URB2: variants seen among roughly 807,000 people sequenced by gnomAD.
URB2 encodes the protein unhealthy ribosome biogenesis protein 2 homolog.
In URB2, 86 loss-of-function variants were observed where a neutral mutation model predicts 120.9. The ratio of observed to expected loss-of-function variants is 0.71; its 90% CI spans 0.60 to 0.85. The LOEUF is 0.85. Among genes scored for constraint, URB2 ranks in the 40% least tolerant of loss-of-function variants. The probability of loss-of-function intolerance (pLI) is 0.00; values close to 1 mark genes in which losing one functional copy is unlikely to be tolerated. For synonymous variants in URB2, 755 were observed against 758.4 expected (o/e 1.00, Z 0.07); for missense variants, 1,765 against 1,836.5 (o/e 0.96, Z 0.71).
intron 9 of URB2, among the ~76,000 whole-genome samples, chr1:229,656,374 C>G (rs1666406443): frequency 6.6e-6 from 1 of 152,168 alleles, no homozygotes; most frequent in African/African-American, 2.4e-5. Context: ...GCTTCCTGGC[C>G]TCATTATTCA....
chr1:229,648,556 T>C (rs946514778), intron 7 of URB2, among the ~76,000 whole-genome samples: 1 of 150,648 alleles, frequency 6.6e-6, no homozygotes, highest in Admixed American at 6.7e-5. Context: ...TACAGTTCAG[T>C]TAACATTTAT....
chr1:229,632,784 A>G (rs1301926247), intron 3 of URB2, among the ~76,000 whole-genome samples: 2 of 150,868 alleles, frequency 1.3e-5, no homozygotes, highest in East Asian at 1.9e-4. Context: ...ATCAAAGGCC[A>G]AAATCCGGAC....
In URB2 at chr1:229,637,782, C is replaced by T; in HGVS notation, c.3169C>T (p.Leu1057=). The T allele has an allele frequency of 6.2e-7, 1 of 1,614,042 alleles. No individual in the cohort carries two copies. Among genetic ancestry groups the T allele is most frequent in the Non-Finnish European group, 8.5e-7 (1 of 1,180,024 alleles). ...GAACCCCCAGGGCAGGCAGCTCCTT[C>T]TGGTGTCTTTAACCAGGTTGTGCCA... ...NQNPQGRQLL[L]VSLTRLCHVL... The change falls in exon 4 of 10, where the codon CTG becomes TTG. Residue 1057 remains leucine (L), a synonymous_variant. Transcript: ENST00000258243.
rs771987836 is a variant in URB2 at position 229,638,166 on chromosome 1, T to C, written c.3553T>C (p.Phe1185Leu). The C allele has an allele frequency of 1.2e-6, 2 of 1,614,220 alleles. No homozygotes were observed. The highest frequency in any genetic ancestry group is 2.2e-5 in the South Asian group (2 of 91,088). The change falls in exon 4 of 10, where the codon TTC (phenylalanine) becomes CTC (leucine). Residue 1185 changes from phenylalanine to leucine, a missense_variant. Coordinates refer to ENST00000258243, the MANE Select transcript of URB2 (RefSeq NM_014777.4). ...FQAALQFLTL[F>L]FLAPELHPKK... is the part of the protein sequence containing the mutation. Reference sequence around the variant, plus strand: ...GGCAGCCTTGCAGTTTTTGACTCTGTTCTTTTTGGCCCCAGAACTGCATCC... The same window carrying C: ...GGCAGCCTTGCAGTTTTTGACTCTGCTCTTTTTGGCCCCAGAACTGCATCC...
intron 4 of URB2, among the ~76,000 whole-genome samples, chr1:229,640,415 G>A (rs780562880): frequency 1.3e-5 from 2 of 152,214 alleles, no homozygotes; most frequent in Non-Finnish European, 2.9e-5. Context: ...TTTCAAGATG[G>A]CACACATCAC....
At chr1:229,649,138 T>C (rs1666214661) in intron 7 of URB2, among the ~76,000 whole-genome samples, 1 of 152,246 alleles carries the variant, frequency 6.6e-6, no homozygotes, top group South Asian at 2.1e-4. Context: ...AGTGCATGGC[T>C]GTGTGTCATA....
intron 2 of URB2, among the ~76,000 whole-genome samples, chr1:229,628,147 A>C (rs1013346823): frequency 8.0e-6 from 1 of 124,396 alleles, no homozygotes; most frequent in Non-Finnish European, 1.6e-5. Context: ...TATATATATA[A>C]TATATATAGT....
intron 2 of URB2, among the ~76,000 whole-genome samples, chr1:229,630,962 A>G (rs1665648714): frequency 6.9e-6 from 1 of 144,316 alleles, no homozygotes. Flanking sequence ...AGCCTGGGTG[A>G]CAAGAGCGAA....
intron 1 of URB2, among the ~76,000 whole-genome samples, chr1:229,627,162 C>T (rs1482804570): frequency 6.6e-6 from 1 of 152,226 alleles, no homozygotes; most frequent in African/African-American, 2.4e-5. Context: ...GTTACTGTTG[C>T]AGCTGAAATA....
intron 5 of URB2, among the ~76,000 whole-genome samples, chr1:229,644,154 T>C (rs1391185103): frequency 6.6e-6 from 1 of 152,260 alleles, no homozygotes; most frequent in East Asian, 1.9e-4. Flanking sequence ...TTGCATTTGC[T>C]GAGTGCCTTT....
intron 3 of URB2, among the ~76,000 whole-genome samples, chr1:229,633,069 A>T (rs1665711194): frequency 6.6e-6 from 1 of 152,252 alleles, no homozygotes; most frequent in Admixed American, 6.5e-5. Context: ...TCACATGGCT[A>T]GTTAGTGGCA....
intron 5 of URB2, among the ~76,000 whole-genome samples, chr1:229,645,019 CT>C (rs1666105699): frequency 6.6e-6 from 1 of 152,156 alleles, no homozygotes; most frequent in South Asian, 2.1e-4. Flanking sequence ...GGTGCGGTGG[CT>C]CATGCCTGTA....
Position 229,635,364 on chromosome 1 carries a change from C to T in URB2, c.751C>T (p.Leu251=). The T allele has an allele frequency of 6.2e-7, 1 of 1,614,168 alleles. No individual in the cohort carries two copies. Among genetic ancestry groups the T allele is most frequent in the Non-Finnish European group, 8.5e-7 (1 of 1,180,004 alleles). ...AGGAGGGATTTTTCAGCCTGAGCTA[C>T]TGTCATCCTACAAGGAGGGGCTCTT... is the stretch of plus-strand genomic sequence containing the variant. ...FRGGIFQPEL[L]SSYKEGLLDQ... is the part of the protein sequence containing the mutation. Residue 251 remains leucine, a synonymous_variant, in exon 4 of 10, where the codon CTG becomes TTG. Coordinates refer to ENST00000258243, the MANE Select transcript of URB2 (RefSeq NM_014777.4).
intron 5 of URB2, 84 bp downstream of exon 5, chr1:229,643,777 C>G: frequency 6.6e-7 from 1 of 1,519,082 alleles, no homozygotes; most frequent in Non-Finnish European, 8.9e-7. Flanking sequence ...TGTGGTGTCA[C>G]CCTTAAAACT....
At chr1:229,657,132 T>G (rs1032345981) in intron 9 of URB2, among the ~76,000 whole-genome samples, 6 of 152,260 alleles carry the variant, frequency 3.9e-5, no homozygotes, top group Non-Finnish European at 8.8e-5. Flanking sequence ...TGTATGGTGA[T>G]AGCTTAGAAT....
chr1:229,652,399 T>C (rs1205534444), intron 8 of URB2, among the ~76,000 whole-genome samples: 1 of 152,034 alleles, frequency 6.6e-6, no homozygotes, highest in African/African-American at 2.4e-5. Flanking sequence ...ACAGGAGTGG[T>C]GCTCAGCTTC....
intron 3 of URB2, among the ~76,000 whole-genome samples, chr1:229,634,401 C>T (rs546569528): frequency 5.9e-5 from 9 of 152,200 alleles, no homozygotes; most frequent in African/African-American, 2.2e-4. Flanking sequence ...AGTCAGGTTT[C>T]ACCACGTTGG....
At position 229,654,360 on chromosome 1, in the gene URB2, T is replaced by C; in HGVS notation, c.4349T>C (p.Val1450Ala). The C allele has an allele frequency of 1.2e-6, 2 of 1,614,162 alleles. No individual in the cohort carries two copies. The highest frequency in any genetic ancestry group is 1.7e-6 in the Non-Finnish European group (2 of 1,180,028). The change falls in exon 9 of 10, where the codon GTG becomes GCG. Residue 1450 changes from valine to alanine, a missense_variant. Val to Ala is a moderately conservative substitution (Grantham distance 64). Transcript: ENST00000258243. ...EEFAVFSPFM[V>A]AQYVLEVQKV... ...TTTGCTGTGTTTTCCCCATTTATGGTGGCCCAGTACGTGTTGGAGGTACAG... is the reference window on the plus strand; with the variant it reads ...TTTGCTGTGTTTTCCCCATTTATGGCGGCCCAGTACGTGTTGGAGGTACAG...
rs1003400097 is a variant in URB2, at chr1:229,636,099, A to G, written c.1486A>G (p.Thr496Ala). ...GCCTGTGCTGGCCTCGGGCCCCTCCACGGTACTCTCTGCATGCCTCCTGGA... is the reference window on the plus strand; with the variant it reads ...GCCTGTGCTGGCCTCGGGCCCCTCCGCGGTACTCTCTGCATGCCTCCTGGA... ...RQPVLASGPS[T>A]VLSACLLELP... The change falls in exon 4 of 10, where the codon ACG becomes GCG. Residue 496 changes from threonine (T) to alanine (A), a missense_variant. Physicochemically the swap from Thr to Ala is moderately conservative, Grantham distance 58. Coordinates refer to ENST00000258243, the MANE Select transcript of URB2 (RefSeq NM_014777.4). 1 of 1,614,240 alleles carries G rather than the reference A, an allele frequency of 6.2e-7. No individual in the cohort carries two copies. Among genetic ancestry groups the G allele is most frequent in the Non-Finnish European group, 8.5e-7 (1 of 1,180,048 alleles).
Sources: allele counts gnomAD v4.1 joint callset (sites outside exome capture counted in the v4.1 genomes callset), GRCh38; gene constraint gnomAD v4.1.1; transcripts MANE v1.5; gene names NCBI Gene and HGNC (gene_info 2026-07-23, HGNC 2026-07-21).